The following SNAP47 variants were observed in gnomAD, a reference collection of about 807,000 sequenced individuals.
The protein encoded by SNAP47 is synaptosomal-associated protein 47.
A neutral mutation model predicts 31.4 loss-of-function variants in SNAP47; 20 were observed. The ratio of observed to expected loss-of-function variants is 0.64; its 90% confidence interval spans 0.45 to 0.93. The LOEUF is 0.93. Ranked by LOEUF, SNAP47 falls within the 40% of genes least tolerant of loss-of-function variation. The pLI is 0.00. For missense variants in SNAP47, 492 were observed against 528.5 expected (o/e 0.93, Z 0.68); for synonymous variants, 194 against 213.4 (o/e 0.91, Z 0.79).
At chr1:227,734,050 G>A, upstream of SNAP47, 1 of 1,610,014 alleles carries the variant, frequency 6.2e-7, no homozygotes, top group Non-Finnish European at 8.5e-7. Context: ...GAGGGCGCAA[G>A]GGCACCACCG....
chr1:227,732,890 G>A (rs1288864295), upstream of SNAP47: 8 of 1,612,590 alleles, frequency 5.0e-6, no homozygotes, highest in East Asian at 1.3e-4. Flanking sequence ...CCTGGCAGTG[G>A]TGGTGCCAGT....
chr1:227,776,330 A>G (rs1256434765), intron 4 of SNAP47: 4 of 988,034 alleles, frequency 4.0e-6, no homozygotes, highest in African/African-American at 3.5e-5. Flanking sequence ...AGTTTATAAA[A>G]GTTTGTTTCC....
At chr1:227,736,532 T>C (rs1661190380) in intron 1 of SNAP47, 2 of 125,198 alleles carry the variant, frequency 1.6e-5, no homozygotes, top group Non-Finnish European at 3.3e-5. Flanking sequence ...TTTTTTTTTT[T>C]TTTTTGAGAC....
upstream of SNAP47, chr1:227,731,572 T>C (rs2102856404): frequency 6.6e-6 from 1 of 152,464 alleles, no homozygotes; most frequent in Middle Eastern, 3.4e-3. Context: ...CGAGAGTCCA[T>C]TCCCCACCAC....
rs749381197 is a variant in SNAP47, at chr1:227,759,482, G to T, written c.985G>T (p.Ala329Ser). The T allele has an allele frequency of 6.2e-7, 1 of 1,613,318 alleles. No homozygotes were observed. The highest frequency in any genetic ancestry group is 1.1e-5 in the South Asian group (1 of 91,052). Residue 329 changes from alanine (A) to serine (S), a missense_variant, in exon 3 of 5, where the codon GCA becomes TCA. Ala to Ser is a moderately conservative substitution (Grantham distance 99). Transcript: ENST00000617596. ...AGAGAAGAGCTGCTCAGTCTGGCAT[G>T]CAGGTTAGTGACCGACAAGGCAGTG... ...PAEKSCSVWH[A>S]ASGLMGRTLH...
At chr1:227,746,741 A>G (rs1469989035) in intron 1 of SNAP47, 1 of 152,222 alleles carries the variant, frequency 6.6e-6, no homozygotes, top group East Asian at 1.9e-4. Flanking sequence ...TCCTGTTTGT[A>G]TAAGTAAAGT....
chr1:227,745,231 C>T (rs1305839648), intron 1 of SNAP47, among the ~76,000 whole-genome samples: 2 of 152,140 alleles, frequency 1.3e-5, no homozygotes, highest in Non-Finnish European at 2.9e-5. Flanking sequence ...ACCAACGAAT[C>T]AAAACAGAGC....
intron 2 of SNAP47, among the ~76,000 whole-genome samples, chr1:227,756,474 C>T (rs1244367882): frequency 6.6e-6 from 1 of 152,218 alleles, no homozygotes; most frequent in Non-Finnish European, 1.5e-5. Context: ...AGAAAATCCC[C>T]TGTGCGTGAC....
intron 3 of SNAP47, among the ~76,000 whole-genome samples, chr1:227,760,801 C>T (rs1031788420): frequency 2.0e-5 from 3 of 152,246 alleles, no homozygotes; most frequent in East Asian, 1.9e-4. Context: ...ATGTGCACGA[C>T]TTTCCTACTA....
chr1:227,728,349 G>T (rs966501971), upstream of SNAP47, among the ~76,000 whole-genome samples: 6 of 149,784 alleles, frequency 4.0e-5, no homozygotes, highest in East Asian at 2.1e-4. Context: ...CCACCGGAGC[G>T]GGGGGGGCGG....
chr1:227,769,520 C>T (rs1425044101), intron 4 of SNAP47, among the ~76,000 whole-genome samples: 1 of 152,042 alleles, frequency 6.6e-6, no homozygotes, highest in African/African-American at 2.4e-5. Context: ...GCACGAAACC[C>T]CCCTTCATCC....
chr1:227,736,502 G>GTTTTTTTTTTTTTTTTTTTTTTTT (rs71180760), intron 1 of SNAP47: 1 of 44,370 alleles, frequency 2.3e-5, no homozygotes, highest in Non-Finnish European at 4.1e-5. Context: ...GCCCAGAGCA[G>GTTTTTTTTTTTTTTTTTTTTTTTT]TTTTTTTTTT....
chr1:227,761,859 A>T (rs746174155), intron 3 of SNAP47, among the ~76,000 whole-genome samples: 7 of 151,888 alleles, frequency 4.6e-5, no homozygotes, highest in Non-Finnish European at 7.4e-5. Context: ...GGTGGCGAGC[A>T]CTCCTGTGTT....
intron 4 of SNAP47, among the ~76,000 whole-genome samples, chr1:227,771,884 G>A (rs1227741832): frequency 2.6e-5 from 4 of 152,158 alleles, no homozygotes; most frequent in Admixed American, 6.5e-5. Flanking sequence ...GGAAACTACC[G>A]GTGCAAAGGG....
At chr1:227,734,200 G>A (rs1316110534), upstream of SNAP47, 2 of 721,390 alleles carry the variant, frequency 2.8e-6, no homozygotes, top group Non-Finnish European at 2.2e-6. Flanking sequence ...TGGCGGGGGA[G>A]GGGGCGGGGC....
At chr1:227,758,867 C>T in intron 2 of SNAP47, 128 bp from the exon 3 acceptor site, 1 of 1,152,416 alleles carries the variant, frequency 8.7e-7, no homozygotes, top group Non-Finnish European at 1.2e-6. Context: ...TCATGGAGTG[C>T]TTGTGGAAAT....
intron 2 of SNAP47, among the ~76,000 whole-genome samples, chr1:227,750,942 G>A (rs532802878): frequency 1.3e-5 from 2 of 152,304 alleles, no homozygotes; most frequent in East Asian, 3.9e-4. Context: ...CAAGGCACAC[G>A]ATTATCCATG....
intron 4 of SNAP47, among the ~76,000 whole-genome samples, chr1:227,772,079 C>T (rs944514120): frequency 6.6e-6 from 1 of 152,138 alleles, no homozygotes; most frequent in African/African-American, 2.4e-5. Flanking sequence ...CCTGTCCTCC[C>T]AGTTGTCGCT....
chr1:227,740,252 G>GT (rs1200615068), intron 1 of SNAP47, among the ~76,000 whole-genome samples: 1 of 152,228 alleles, frequency 6.6e-6, no homozygotes, highest in African/African-American at 2.4e-5. Context: ...GCAGGGGAAG[G>GT]CCAGGGCAGG....
Sources: allele counts gnomAD v4.1 joint callset (sites outside exome capture counted in the v4.1 genomes callset), GRCh38; gene constraint gnomAD v4.1.1; transcripts MANE v1.5; gene names NCBI Gene and HGNC (gene_info 2026-07-23, HGNC 2026-07-21).